The following THSD7B variants were observed in gnomAD, a reference collection of about 807,000 sequenced individuals.
THSD7B encodes the protein thrombospondin type 1 domain containing 7B.
Under a neutral mutation model 213.6 loss-of-function variants are expected in THSD7B, and 138 were observed. That is an observed-to-expected ratio of 0.65 (90% CI 0.56 to 0.74). THSD7B has a LOEUF of 0.74. Among genes scored for constraint, THSD7B ranks in the 30% least tolerant of loss-of-function variants. The pLI is 0.00. For synonymous variants in THSD7B, 742 were observed against 687.0 expected, an observed-to-expected ratio of 1.08 and a Z score of -1.25; for missense variants, 1,931 against 1,991.5, an observed-to-expected ratio of 0.97 and a Z score of 0.58.
At chr2:136,889,680 G>A (rs552968132) in intron 2 of THSD7B, among the ~76,000 whole-genome samples, 2 of 152,226 alleles carry the variant, frequency 1.3e-5, no homozygotes, top group South Asian at 4.1e-4. Context: ...CATCTGATAT[G>A]TCACATGCCC....
chr2:137,563,254 A>T lies in THSD7B; in HGVS notation c.3172A>T (p.Asn1058Tyr). The T allele has an allele frequency of 6.2e-7, 1 of 1,613,428 alleles. No homozygotes were observed. The highest frequency in any genetic ancestry group is 8.5e-7 in the Non-Finnish European group (1 of 1,179,568). Residue 1058 changes from asparagine to tyrosine, a missense_variant, in exon 16 of 28, where the codon AAT becomes TAT. Transcript: ENST00000409968. Reference protein sequence around the residue: ...HEAVPCYSECNQYSWVVEHWS... With the variant: ...HEAVPCYSECYQYSWVVEHWS... Reference sequence around the variant, plus strand: ...GGCAGTCCCATGTTACAGTGAGTGCAATCAGTATTCCTGGGTTGTAGAACA... The same window carrying T: ...GGCAGTCCCATGTTACAGTGAGTGCTATCAGTATTCCTGGGTTGTAGAACA...
intron 12 of THSD7B, among the ~76,000 whole-genome samples, chr2:137,299,894 G>A (rs1403613916): frequency 6.6e-6 from 1 of 151,956 alleles, no homozygotes; most frequent in Non-Finnish European, 1.5e-5. Flanking sequence ...TTGAGAAATT[G>A]CTTTTAAACC....
intron 2 of THSD7B, among the ~76,000 whole-genome samples, chr2:137,010,926 GT>G (rs2104833951): frequency 6.6e-6 from 1 of 152,306 alleles, no homozygotes; most frequent in African/African-American, 2.4e-5. Context: ...TGGGATGAGA[GT>G]GATGAAGAGT....
chr2:137,492,780 G>T (rs1679450582), intron 15 of THSD7B, among the ~76,000 whole-genome samples: 1 of 152,062 alleles, frequency 6.6e-6, no homozygotes, highest in Non-Finnish European at 1.5e-5. Context: ...CAAGAACTTA[G>T]CACTTAAAAC....
intron 15 of THSD7B, among the ~76,000 whole-genome samples, chr2:137,500,817 C>A (rs1318143672): frequency 1.3e-5 from 2 of 152,152 alleles, no homozygotes; most frequent in Admixed American, 6.5e-5. Context: ...ATTATGTATC[C>A]ACTCAGGTCA....
chr2:137,335,956 A>G (rs1684629399), intron 12 of THSD7B, among the ~76,000 whole-genome samples: 1 of 151,362 alleles, frequency 6.6e-6, no homozygotes, highest in African/African-American at 2.4e-5. Context: ...TTTCTTGGGT[A>G]TTCTTTCTGA....
chr2:137,088,329 C>G (rs1573815074), intron 3 of THSD7B, among the ~76,000 whole-genome samples: 2 of 151,792 alleles, frequency 1.3e-5, no homozygotes, highest in East Asian at 3.9e-4. Context: ...AACCCAAATA[C>G]TTACAGCCAA....
chr2:136,841,616 G>GAAAAGA (rs1682923288), intron 1 of THSD7B, among the ~76,000 whole-genome samples: 1 of 142,534 alleles, frequency 7.0e-6, no homozygotes, highest in South Asian at 2.2e-4. Flanking sequence ...AAAAAAAGAG[G>GAAAAGA]AAAAGAAAAA....
At chr2:136,766,477 A>G (rs1681395447) in intron 1 of THSD7B, among the ~76,000 whole-genome samples, 1 of 152,114 alleles carries the variant, frequency 6.6e-6, no homozygotes, top group Non-Finnish European at 1.5e-5. Flanking sequence ...GCTGTCTTAC[A>G]TGTCCCATAG....
At chr2:137,000,254 C>G (rs1685976475) in intron 2 of THSD7B, among the ~76,000 whole-genome samples, 1 of 152,040 alleles carries the variant, frequency 6.6e-6, no homozygotes, top group Non-Finnish European at 1.5e-5. Flanking sequence ...TGAGGAAACC[C>G]TGCTTAACTT....
chr2:136,825,862 CT>C (rs1246492161), intron 1 of THSD7B, among the ~76,000 whole-genome samples: 1 of 151,948 alleles, frequency 6.6e-6, no homozygotes, highest in African/African-American at 2.4e-5. Context: ...AGATTCTTCT[CT>C]TTTAAGTACA....
chr2:137,182,242 G>C (rs1044602250), intron 7 of THSD7B, among the ~76,000 whole-genome samples: 9 of 152,152 alleles, frequency 5.9e-5, no homozygotes, highest in African/African-American at 2.2e-4. Context: ...AACTTGGCAG[G>C]GAGCACAGTC....
Position 137,049,957 on chromosome 2 carries a change from C to T in THSD7B, c.140-6463C>T, listed in dbSNP as rs10496764. 0.023 allele frequency among the ~76,000 whole-genome samples: 3,526 copies of T among 152,232 alleles called. 247 individuals are homozygous for T. In the East Asian group the frequency reaches 0.26, roughly 11 times the overall value. On this transcript the variant is annotated intron_variant, in intron 2 of 27. Coordinates refer to ENST00000409968, the MANE Select transcript of THSD7B (RefSeq NM_001316349.2). ...TTAGAACTGTTCTAATAGAAACCAG[C>T]GTGATATAGAGTTACAAATCACTGG...
chr2:136,774,225 AGT>A (rs1414189876), intron 1 of THSD7B, among the ~76,000 whole-genome samples: 1 of 152,084 alleles, frequency 6.6e-6, no homozygotes, highest in African/African-American at 2.4e-5. Context: ...TTAAGTAACC[AGT>A]GTTTCTGATT....
chr2:137,046,477 C>G (rs969794573), intron 2 of THSD7B, among the ~76,000 whole-genome samples: 6 of 152,078 alleles, frequency 3.9e-5, no homozygotes, highest in Admixed American at 3.9e-4. Flanking sequence ...CGACTGTCAT[C>G]CCAGCACTTT....
At chr2:137,275,852 A>G in intron 11 of THSD7B, 71 bp from the exon 12 acceptor site, 2 of 1,158,404 alleles carry the variant, frequency 1.7e-6, no homozygotes, top group Non-Finnish European at 2.5e-6. Flanking sequence ...TAAACTTCAA[A>G]CATATGTAAG....
intron 3 of THSD7B, among the ~76,000 whole-genome samples, chr2:137,067,723 G>C (rs1687407615): frequency 6.6e-6 from 1 of 152,002 alleles, no homozygotes; most frequent in South Asian, 2.1e-4. Context: ...TTTTATATCA[G>C]AGTCTGGTAA....
intron 2 of THSD7B, among the ~76,000 whole-genome samples, chr2:137,002,745 G>C (rs1189084216): frequency 6.6e-6 from 1 of 152,092 alleles, no homozygotes; most frequent in East Asian, 1.9e-4. Context: ...CTATATCACT[G>C]TTTCCTGTTT....
chr2:136,800,437 G>A (rs955318442), intron 1 of THSD7B, among the ~76,000 whole-genome samples: 5 of 151,798 alleles, frequency 3.3e-5, no homozygotes, highest in African/African-American at 4.8e-5. Context: ...ATCAGTAGGC[G>A]AATATTTCAT....
Sources: gnomAD v4.1 joint callset for allele counts (sites outside exome capture counted in the v4.1 genomes callset) on GRCh38, gnomAD v4.1.1 for gene constraint, MANE v1.5 for transcripts, NCBI Gene and HGNC (gene_info 2026-07-23, HGNC 2026-07-21) for gene names.